Variants in MYBPC2 observed in about 807,000 individuals in gnomAD.
MYBPC2 encodes myosin binding protein C2.
Under a neutral mutation model 137.0 loss-of-function variants are expected in MYBPC2, and 122 were observed. The ratio of observed to expected loss-of-function variants is 0.89; its 90% CI spans 0.77 to 1.03. The LOEUF is 1.03. Ranked by LOEUF, MYBPC2 falls within the 50% of genes least tolerant of loss-of-function variation. MYBPC2 has a pLI of 0.00. For missense variants in MYBPC2, 1,500 were observed against 1,534.4 expected, an observed-to-expected ratio of 0.98 and a Z score of 0.37; for synonymous variants, 626 against 612.3, an observed-to-expected ratio of 1.02 and a Z score of -0.33.
At chr19:50,464,798 C>T (rs1327057102) in intron 27 of MYBPC2, among the ~76,000 whole-genome samples, 2 of 152,140 alleles carry the variant, frequency 1.3e-5, no homozygotes, top group African/African-American at 4.8e-5. Context: ...GTGAGAAGGG[C>T]TTAGGAAACG....
intron 26 of MYBPC2, among the ~76,000 whole-genome samples, chr19:50,463,093 G>A (rs1283429028): frequency 4.6e-5 from 7 of 152,118 alleles, no homozygotes; most frequent in South Asian, 2.1e-4. Context: ...ACCAGGGGTT[G>A]GCAAACCATC....
At chr19:50,447,408 G>A (rs1031351508) in intron 12 of MYBPC2, among the ~76,000 whole-genome samples, 7 of 152,054 alleles carry the variant, frequency 4.6e-5, no homozygotes, top group Non-Finnish European at 1.0e-4. Context: ...ACAAATGATG[G>A]TATTTCCATA....
chr19:50,455,338 A>C, intron 19 of MYBPC2, 42 bp downstream of exon 19: 1 of 1,591,998 alleles, frequency 6.3e-7, no homozygotes, highest in South Asian at 1.1e-5. Context: ...GTAATGATGG[A>C]TCACTCTGAT....
chr19:50,442,806 T>G (rs2039768348), intron 9 of MYBPC2, among the ~76,000 whole-genome samples: 1 of 151,826 alleles, frequency 6.6e-6, no homozygotes, highest in Non-Finnish European at 1.5e-5. Context: ...AGACAGAGTT[T>G]CGCTCTTGTT....
In MYBPC2 at chr19:50,436,170, C is replaced by T; in HGVS notation, c.345+10C>T. The T allele has an allele frequency of 5.1e-6, 8 of 1,578,480 alleles. No homozygotes were observed. The highest frequency in any genetic ancestry group is 6.9e-6 in the Non-Finnish European group (8 of 1,162,162). ...CAACTCCGCCAGCAATGTGAGGACC[C>T]CGTGGGCCAGAGGGCTGGTGGAGGG... On this transcript the variant is annotated intron_variant, in intron 4 of 27. Transcript: ENST00000357701.
At chr19:50,450,980 C>T (rs1289865736) in intron 14 of MYBPC2, 45 bp downstream of exon 14, 3 of 1,511,632 alleles carry the variant, frequency 2.0e-6, no homozygotes, top group Non-Finnish European at 2.7e-6. Flanking sequence ...TAGGATCCAC[C>T]CTCGCAGACC....
chr19:50,456,711 C>T (rs1462430009), intron 20 of MYBPC2, among the ~76,000 whole-genome samples: 1 of 152,144 alleles, frequency 6.6e-6, no homozygotes, highest in African/African-American at 2.4e-5. Flanking sequence ...GCTGGGATTA[C>T]AGGCATGAGC....
In MYBPC2 at chr19:50,436,149, T is replaced by C. The variant is rs1203334759; in HGVS notation, c.334T>C (p.Ser112Pro). ...CTTCTCCTTCAAGGAGTCCCACAAC[T>C]CCGCCAGCAATGTGAGGACCCCGTG... Reference protein sequence around the residue: ...ARFSFKESHNSASNVYTVELH... With the variant: ...ARFSFKESHNPASNVYTVELH... The change falls in exon 4 of 28, where the codon TCC (serine) becomes CCC (proline). Residue 112 changes from serine to proline, a missense_variant. Coordinates refer to ENST00000357701, the MANE Select transcript of MYBPC2 (RefSeq NM_004533.4). 1 of 1,581,384 alleles carries C rather than the reference T, an allele frequency of 6.3e-7. No homozygotes were observed. The highest frequency in any genetic ancestry group is 8.6e-7 in the Non-Finnish European group (1 of 1,164,046).
intron 26 of MYBPC2, 58 bp downstream of exon 26, chr19:50,462,094 C>A (rs2039978015): frequency 1.7e-5 from 25 of 1,513,470 alleles, no homozygotes; most frequent in Non-Finnish European, 2.1e-5. Context: ...ATCTTCCATA[C>A]AATGAAGCCC....
chr19:50,456,240 TCCATCCATCCATC>T (rs1382416385), intron 20 of MYBPC2, among the ~76,000 whole-genome samples: 3 of 100,162 alleles, frequency 3.0e-5, no homozygotes, highest in Non-Finnish European at 7.2e-5. Flanking sequence ...CATCCATCCA[TCCATCCATCCATC>T]CATCCATCCC....
intron 20 of MYBPC2, among the ~76,000 whole-genome samples, chr19:50,457,603 C>G (rs186801923): frequency 6.6e-6 from 1 of 152,060 alleles, no homozygotes; most frequent in African/African-American, 2.4e-5. Flanking sequence ...TCTTGAATTC[C>G]TGGGCTTGAG....
intron 13 of MYBPC2, among the ~76,000 whole-genome samples, chr19:50,449,404 A>C (rs1468337740): frequency 6.6e-6 from 1 of 152,146 alleles, no homozygotes; most frequent in Non-Finnish European, 1.5e-5. Context: ...TCAGCCTAGC[A>C]CACTCACGTG....
In MYBPC2 at chr19:50,455,252, G is replaced by A. The variant is rs1156328856; in HGVS notation, c.2159G>A (p.Gly720Glu). The change falls in exon 19 of 28, where the codon GGG (glycine) becomes GAG (glutamate). Residue 720 changes from glycine to glutamate, a missense_variant. By Grantham distance (98) the Gly-to-Glu change is moderately conservative (BLOSUM62 -2). Transcript: ENST00000357701. ...EMRVFAVNAI[G>E]VSQPSMNTKP... ...CGTGTCTTCGCCGTCAATGCTATAG[G>A]GGTCTCCCAGCCCAGCATGAACACC... 1 of 1,613,586 alleles carries A rather than the reference G, an allele frequency of 6.2e-7. No homozygotes were observed. Among genetic ancestry groups the A allele is most frequent in the African/African-American group, 1.3e-5 (1 of 74,814 alleles).
Position 50,454,196 on chromosome 19 carries a change from G to T in MYBPC2, c.1909+17G>T, listed in dbSNP as rs1199966164. 1.2e-6 allele frequency: 2 copies of T among 1,613,850 alleles called. No homozygotes were observed. Among genetic ancestry groups the T allele is most frequent in the East Asian group, 4.5e-5 (2 of 44,862 alleles). On this transcript the variant is annotated intron_variant, in intron 17 of 27. Coordinates refer to ENST00000357701, the MANE Select transcript of MYBPC2 (RefSeq NM_004533.4). The stretch of plus-strand genomic sequence containing the variant: ...AAGTTGTAGGTGAGCAGAGAAAGCC[G>T]AGGTGGCTGGGCCAAGGGGTGACTC...
At chr19:50,436,500 G>GC (rs2122577117) in intron 4 of MYBPC2, 117 bp from the exon 5 acceptor site, 4 of 926,942 alleles carry the variant, frequency 4.3e-6, no homozygotes, top group Non-Finnish European at 5.0e-6. Context: ...GTCTCCATTG[G>GC]CCCCCCTGTG....
intron 20 of MYBPC2, among the ~76,000 whole-genome samples, chr19:50,458,243 G>C (rs1226580146): frequency 6.7e-6 from 1 of 150,284 alleles, no homozygotes; most frequent in Non-Finnish European, 1.5e-5. Context: ...CTGGGAGGCG[G>C]AGGTTGCAGT....
At chr19:50,450,328 A>G (rs2039844318) in intron 13 of MYBPC2, among the ~76,000 whole-genome samples, 1 of 152,016 alleles carries the variant, frequency 6.6e-6, no homozygotes, top group Non-Finnish European at 1.5e-5. Context: ...GTGCAATCAT[A>G]GCTCACTGCA....
Position 50,433,924 on chromosome 19 carries a change from A to G in MYBPC2, c.19+952A>G, listed in dbSNP as rs371718749. On this transcript the variant is annotated intron_variant, in intron 1 of 27. Transcript: ENST00000357701. ...GACCTTGTCTCTACAAAAAATTAAAAATCAGCCAGGTGTGGTGGTGCATGC... is the reference window on the plus strand; with the variant it reads ...GACCTTGTCTCTACAAAAAATTAAAGATCAGCCAGGTGTGGTGGTGCATGC... 9.9e-5 allele frequency among the ~76,000 whole-genome samples: 15 copies of G among 152,256 alleles called. 1 individual carries two copies. In the South Asian group the frequency reaches 3.1e-3, roughly 32 times the overall value.
In MYBPC2 at chr19:50,459,258, C is replaced by G; in HGVS notation, c.2743C>G (p.Gln915Glu). Residue 915 changes from glutamine (Q) to glutamate (E), a missense_variant, in exon 23 of 28, where the codon CAG becomes GAG. Transcript: ENST00000357701. ...CTCCGGGGAGTACGAGCTGAGCGTG[C>G]AGATCGAGAACATGAAGGACACCGC... ...SDSGEYELSVQIENMKDTATI... is the reference protein window; with the variant it reads ...SDSGEYELSVEIENMKDTATI... The G allele has an allele frequency of 6.2e-7, 1 of 1,610,754 alleles. No homozygotes were observed. Among genetic ancestry groups the G allele is most frequent in the South Asian group, 1.1e-5 (1 of 90,950 alleles).
Sources: gnomAD v4.1 joint callset for allele counts (sites outside exome capture counted in the v4.1 genomes callset) on GRCh38, gnomAD v4.1.1 for gene constraint, MANE v1.5 for transcripts, NCBI Gene and HGNC (gene_info 2026-07-23, HGNC 2026-07-21) for gene names.